The following AGO2 variants were observed in gnomAD, a reference collection of about 807,000 sequenced individuals.
AGO2 encodes the protein protein argonaute-2.
In AGO2, 5 loss-of-function variants were observed where a neutral mutation model predicts 102.3. That is an observed-to-expected ratio of 0.05 (90% CI 0.03 to 0.10). AGO2 has a LOEUF of 0.10. Ranked by LOEUF, AGO2 falls within the 10% of genes least tolerant of loss-of-function variation. AGO2 has a pLI of 1.00. For synonymous variants in AGO2, 449 were observed against 473.1 expected, an observed-to-expected ratio of 0.95 and a Z score of 0.66; for missense variants, 541 against 1,183.7, an observed-to-expected ratio of 0.46 and a Z score of 7.97.
At chr8:140,624,569 G>A (rs1446300373) in intron 1 of AGO2, among the ~76,000 whole-genome samples, 1 of 152,258 alleles carries the variant, frequency 6.6e-6, no homozygotes, top group African/African-American at 2.4e-5. Context: ...AGCAGCCAGC[G>A]TCCCCAACTA....
chr8:140,537,230 C>T (rs949130980), intron 16 of AGO2, among the ~76,000 whole-genome samples: 4 of 152,116 alleles, frequency 2.6e-5, no homozygotes, highest in African/African-American at 9.7e-5. Flanking sequence ...ATAACCCTTC[C>T]GTGTGAACTC....
At chr8:140,604,051 C>T (rs1425478914) in intron 1 of AGO2, among the ~76,000 whole-genome samples, 2 of 152,250 alleles carry the variant, frequency 1.3e-5, no homozygotes, top group African/African-American at 4.8e-5. Context: ...GGCCGAGAGG[C>T]TAAGTTGGCC....
intron 1 of AGO2, chr8:140,591,581 C>A (rs553546859): frequency 6.6e-6 from 1 of 152,300 alleles, no homozygotes; most frequent in African/African-American, 2.4e-5. Context: ...TATAAACAAA[C>A]ACCTAAGCTC....
At chr8:140,575,512 G>A (rs753522968) in intron 2 of AGO2, among the ~76,000 whole-genome samples, 4 of 152,206 alleles carry the variant, frequency 2.6e-5, no homozygotes, top group Non-Finnish European at 5.9e-5. Context: ...AGGTGCAGAT[G>A]GCTCCATTGG....
intron 1 of AGO2, among the ~76,000 whole-genome samples, chr8:140,630,283 G>T (rs11776968): frequency 0.43 from 65,177 of 152,034 alleles, 15,002 homozygotes; most frequent in Non-Finnish European, 0.53. Flanking sequence ...CAGTTCTTGT[G>T]TCTGCCTTTC....
rs533538478 is a variant in AGO2 at position 140,533,296 on chromosome 8, A to G, written c.2272-681T>C. On this transcript the variant is annotated intron_variant, in intron 17 of 18. Transcript: ENST00000220592. ...CCCAGCTACTTGGGAGGCTGAGGCC[A>G]GAGAATGGCATGAACCTGGGAGGCA... 1.9e-3 allele frequency among the ~76,000 whole-genome samples: 284 copies of G among 149,398 alleles called. 1 individual carries two copies. Among genetic ancestry groups the G allele is most frequent in the African/African-American group, 6.3e-3 (255 of 40,622 alleles).
chr8:140,549,828 G>C (rs1418306046), intron 11 of AGO2, among the ~76,000 whole-genome samples: 1 of 152,224 alleles, frequency 6.6e-6, no homozygotes, highest in Admixed American at 6.5e-5. Context: ...GCAGCCTGAG[G>C]AGTGGCAGCA....
In AGO2 at chr8:140,575,775, C is replaced by T. The variant is rs780017678; in HGVS notation, c.216-2843G>A. ...ATAAATCATCATGTCAAAGTTCAGT[C>T]GATACCAGAAACAAAAGGTTGTATT... On this transcript the variant is annotated intron_variant, in intron 2 of 18. Coordinates refer to ENST00000220592, the MANE Select transcript of AGO2 (RefSeq NM_012154.5). Among the ~76,000 whole-genome samples the T allele has an allele frequency of 9.2e-5, 14 of 152,102 alleles. No individual in the cohort carries two copies. The East Asian group carries it at 1.4e-3, about 15-fold the overall frequency.
intron 3 of AGO2, among the ~76,000 whole-genome samples, chr8:140,570,111 A>C (rs2073355286): frequency 6.6e-6 from 1 of 152,258 alleles, no homozygotes; most frequent in African/African-American, 2.4e-5. Context: ...CAGAGATCCT[A>C]CAGAACCCCC....
At chr8:140,591,379 A>C (rs2073744057) in intron 1 of AGO2, among the ~76,000 whole-genome samples, 1 of 152,242 alleles carries the variant, frequency 6.6e-6, no homozygotes, top group Non-Finnish European at 1.5e-5. Flanking sequence ...CCCCCAGGGA[A>C]GACTGGAACG....
rs1409905273 is a variant in AGO2 at position 140,629,315 on chromosome 8, G to A, written c.22+6170C>T. 2.0e-5 allele frequency among the ~76,000 whole-genome samples: 3 copies of A among 152,022 alleles called. No individual in the cohort carries two copies. The East Asian group carries it at 5.8e-4, about 29-fold the overall frequency. Reference sequence around the variant, plus strand: ...CCTGGGTCACTGTATGAAGACTAAGGATTCGTGGGGAATGTGCTGCTTCCC... The same window carrying A: ...CCTGGGTCACTGTATGAAGACTAAGAATTCGTGGGGAATGTGCTGCTTCCC... On this transcript the variant is annotated intron_variant, in intron 1 of 18. Transcript: ENST00000220592.
At chr8:140,556,477 CTGT>C (rs1258882972) in intron 8 of AGO2, among the ~76,000 whole-genome samples, 191 bp from the exon 9 acceptor site, 1 of 152,122 alleles carries the variant, frequency 6.6e-6, no homozygotes, top group African/African-American at 2.4e-5. Flanking sequence ...ACAGAAATGC[CTGT>C]TAAGTAAACC....
At chr8:140,624,516 G>A (rs559531923) in intron 1 of AGO2, among the ~76,000 whole-genome samples, 118 of 152,332 alleles carry the variant, frequency 7.7e-4, no homozygotes, top group African/African-American at 2.6e-3. Flanking sequence ...AGGGCACGCC[G>A]GGCTACACCC....
intron 1 of AGO2, among the ~76,000 whole-genome samples, chr8:140,604,252 G>A (rs894255142): frequency 2.0e-5 from 3 of 152,204 alleles, no homozygotes; most frequent in Non-Finnish European, 4.4e-5. Context: ...GAAGCACCAC[G>A]CTGGTCTCTG....
chr8:140,539,649 G>A lies in AGO2; in HGVS notation c.2035-195C>T, dbSNP rs1366915579. On this transcript the variant is annotated intron_variant, in intron 15 of 18. Transcript: ENST00000220592. The surrounding 1 kb of genome is among the most constrained non-coding windows in gnomAD (Gnocchi z 4.7). ...GGAGGACTGGATGCAGGAAGCGGGG[G>A]CTTGGCACTCAGGAATGGGAAGAAC... Among the ~76,000 whole-genome samples the A allele has an allele frequency of 1.3e-5, 2 of 152,214 alleles. No individual in the cohort carries two copies. The highest frequency in any genetic ancestry group is 2.4e-5 in the African/African-American group (1 of 41,458).
chr8:140,572,710 G>A (rs915072483), intron 3 of AGO2, 102 bp downstream of exon 3: 43 of 1,478,206 alleles, frequency 2.9e-5, no homozygotes, highest in East Asian at 2.9e-4. Flanking sequence ...CCTCCTCAGT[G>A]AAATAGTTTC....
At chr8:140,551,489 C>T (rs2072994763) in intron 10 of AGO2, 53 bp from the exon 11 acceptor site, 1 of 1,439,370 alleles carries the variant, frequency 6.9e-7, no homozygotes, top group African/African-American at 1.4e-5. Context: ...CATATTCCTT[C>T]AACCTTAGAC....
intron 1 of AGO2, among the ~76,000 whole-genome samples, chr8:140,599,767 G>T (rs1261843109): frequency 6.6e-6 from 1 of 152,066 alleles, no homozygotes; most frequent in Non-Finnish European, 1.5e-5. Context: ...CTGTCCCCAG[G>T]CTAGAGTACA....
At chr8:140,532,707 G>A in intron 17 of AGO2, 92 bp from the exon 18 acceptor site, 1 of 1,364,320 alleles carries the variant, frequency 7.3e-7, no homozygotes, top group Admixed American at 2.0e-5. Context: ...TATTAAAAAT[G>A]CATCATAGTC....
Sources: gnomAD v4.1 joint callset for allele counts (sites outside exome capture counted in the v4.1 genomes callset) on GRCh38, gnomAD v4.1.1 for gene constraint, Gnocchi (gnomAD v3.1) non-coding constraint, MANE v1.5 for transcripts, NCBI Gene and HGNC (gene_info 2026-07-23, HGNC 2026-07-21) for gene names.